The following OSBPL1A variants were observed in gnomAD, a reference collection of about 807,000 sequenced individuals.
OSBPL1A encodes oxysterol-binding protein-related protein 1.
OSBPL1A carries 80 observed loss-of-function variants against 137.1 expected under a neutral mutation model. That is an observed-to-expected ratio of 0.58 (90% CI 0.49 to 0.70). The LOEUF is 0.70. OSBPL1A is among the 30% of genes least tolerant of loss of function. The pLI, the probability that OSBPL1A is intolerant of heterozygous loss-of-function variation, is 0.00. For synonymous variants in OSBPL1A, 365 were observed against 389.7 expected, an observed-to-expected ratio of 0.94 and a Z score of 0.75; for missense variants, 970 against 1,129.4, an observed-to-expected ratio of 0.86 and a Z score of 2.02.
chr18:24,313,419 C>CTACA (rs2090662149), intron 12 of OSBPL1A, among the ~76,000 whole-genome samples: 1 of 126,634 alleles, frequency 7.9e-6, no homozygotes. Context: ...CAAGCCTGGG[C>CTACA]GGAAAAAAAA....
intron 7 of OSBPL1A, 58 bp from the exon 8 acceptor site, chr18:24,318,867 A>ACACC: frequency 2.2e-6 from 3 of 1,361,494 alleles, no homozygotes; most frequent in Non-Finnish European, 2.1e-6. Context: ...ATGACAATCA[A>ACACC]TGCTGTAACT....
At chr18:24,173,806 AACC>A (rs2086357161) in intron 21 of OSBPL1A, among the ~76,000 whole-genome samples, 2 of 152,222 alleles carry the variant, frequency 1.3e-5, no homozygotes, top group Admixed American at 6.5e-5. Context: ...AGATCTGTGT[AACC>A]ACCACCAACA....
chr18:24,269,350 T>C (rs1240912493), intron 15 of OSBPL1A, among the ~76,000 whole-genome samples: 2 of 152,232 alleles, frequency 1.3e-5, no homozygotes, highest in Non-Finnish European at 2.9e-5. Flanking sequence ...CTTTATTCTT[T>C]CCCTTCCATT....
chr18:24,303,675 T>G lies in OSBPL1A; in HGVS notation c.1136A>C (p.Asn379Thr). ...CQQRLDREIS[N>T]FLKMIKECDM... is the part of the protein sequence containing the mutation. ...ACACTCCTTAATCATTTTGAGAAAG[T>G]TGGAAATTTCCCTATCTAGTCGCTG... The change falls in exon 14 of 28, where the codon AAC becomes ACC. Residue 379 changes from asparagine to threonine, a missense_variant. Transcript: ENST00000319481. 1 of 1,613,690 alleles carries G rather than the reference T, an allele frequency of 6.2e-7. No homozygotes were observed. The highest frequency in any genetic ancestry group is 8.5e-7 in the Non-Finnish European group (1 of 1,179,768).
chr18:24,386,188 C>T (rs1906954709), intron 1 of OSBPL1A, among the ~76,000 whole-genome samples: 1 of 152,124 alleles, frequency 6.6e-6, no homozygotes, highest in Non-Finnish European at 1.5e-5. Context: ...GGGGTCAATA[C>T]AGTCATAGAG....
chr18:24,337,923 A>G (rs1488295590), intron 5 of OSBPL1A, among the ~76,000 whole-genome samples: 1 of 152,066 alleles, frequency 6.6e-6, no homozygotes, highest in Admixed American at 6.6e-5. Context: ...AGTTCAACAA[A>G]AAAATTAAAA....
chr18:24,354,512 T>G (rs894094321), intron 4 of OSBPL1A, among the ~76,000 whole-genome samples: 3 of 152,048 alleles, frequency 2.0e-5, no homozygotes, highest in Admixed American at 6.6e-5. Flanking sequence ...TGAGGTGCAC[T>G]GGAAGTAACC....
At position 24,287,172 on chromosome 18, in the gene OSBPL1A, T is replaced by C. The variant is rs141519741; in HGVS notation, c.1175-6224A>G. On this transcript the variant is annotated intron_variant, in intron 14 of 27. Coordinates refer to ENST00000319481, the MANE Select transcript of OSBPL1A (RefSeq NM_080597.4). The stretch of plus-strand genomic sequence containing the variant: ...GAGGCAATAAGGAAGTTAATTTTAA[T>C]CAAACTGAGGAAATCTTCATCAAAG... 3.3e-3 allele frequency among the ~76,000 whole-genome samples: 498 copies of C among 152,330 alleles called. 1 individual carries two copies. Among genetic ancestry groups the C allele is most frequent in the African/African-American group, 0.012 (486 of 41,568 alleles).
intron 4 of OSBPL1A, among the ~76,000 whole-genome samples, chr18:24,358,869 C>G (rs2091578297): frequency 6.6e-6 from 1 of 152,178 alleles, no homozygotes; most frequent in South Asian, 2.1e-4. Flanking sequence ...CCTCAGCCAC[C>G]AGAGTAGCTG....
chr18:24,331,969 T>G (rs1441573368), intron 7 of OSBPL1A, among the ~76,000 whole-genome samples: 2 of 152,110 alleles, frequency 1.3e-5, no homozygotes, highest in Non-Finnish European at 2.9e-5. Context: ...ATGCCTGGCC[T>G]TCTTGTTTCA....
At chr18:24,233,180 T>G (rs1394785672) in intron 16 of OSBPL1A, among the ~76,000 whole-genome samples, 2 of 152,210 alleles carry the variant, frequency 1.3e-5, no homozygotes, top group Admixed American at 1.3e-4. Flanking sequence ...AATTAGTTAT[T>G]TAACCAGTAA....
chr18:24,174,766 T>G (rs1377349250), intron 21 of OSBPL1A, among the ~76,000 whole-genome samples: 1 of 152,092 alleles, frequency 6.6e-6, no homozygotes, highest in African/African-American at 2.4e-5. Context: ...TGAACATCTT[T>G]TTAAATTTTT....
chr18:24,322,003 T>G (rs552928880), intron 7 of OSBPL1A, among the ~76,000 whole-genome samples: 2 of 152,038 alleles, frequency 1.3e-5, no homozygotes, highest in South Asian at 4.2e-4. Context: ...GGGAGGCTAA[T>G]TACAAAGAGA....
intron 4 of OSBPL1A, among the ~76,000 whole-genome samples, chr18:24,345,576 T>C (rs1332282225): frequency 6.6e-6 from 1 of 152,004 alleles, no homozygotes; most frequent in Admixed American, 6.6e-5. Flanking sequence ...GTCCCAGCTA[T>C]TTGGGAGGCT....
At chr18:24,181,988 T>G (rs1243061978) in intron 18 of OSBPL1A, among the ~76,000 whole-genome samples, 3 of 152,224 alleles carry the variant, frequency 2.0e-5, no homozygotes, top group Admixed American at 2.0e-4. Context: ...TATGTCTACA[T>G]TTGTCTTGTA....
intron 6 of OSBPL1A, 140 bp from the exon 7 acceptor site, chr18:24,333,226 C>A: frequency 1.1e-6 from 1 of 872,824 alleles, no homozygotes; most frequent in East Asian, 2.7e-5. Context: ...TTCTTGCTCA[C>A]TAAACCAGCC....
At chr18:24,235,023 G>A (rs1444716201) in intron 16 of OSBPL1A, among the ~76,000 whole-genome samples, 1 of 152,166 alleles carries the variant, frequency 6.6e-6, no homozygotes, top group Non-Finnish European at 1.5e-5. Context: ...TGAGTGTGAA[G>A]AGGCAGTAGG....
At chr18:24,353,235 A>G (rs138620949) in intron 4 of OSBPL1A, among the ~76,000 whole-genome samples, 18,086 of 152,112 alleles carry the variant, frequency 0.12, 1,371 homozygotes, top group African/African-American at 0.22. Context: ...AAAACAAACA[A>G]CCCCATCAAA....
At chr18:24,237,641 G>A (rs1041039757) in intron 16 of OSBPL1A, among the ~76,000 whole-genome samples, 6 of 152,126 alleles carry the variant, frequency 3.9e-5, no homozygotes, top group African/African-American at 1.4e-4. Flanking sequence ...TATATAACAT[G>A]AGCAACTGAA....
Sources: allele counts gnomAD v4.1 joint callset (sites outside exome capture counted in the v4.1 genomes callset), GRCh38; gene constraint gnomAD v4.1.1; transcripts MANE v1.5; gene names NCBI Gene and HGNC (gene_info 2026-07-23, HGNC 2026-07-21).